The following DLGAP1 variants were observed in gnomAD, a reference collection of about 807,000 sequenced individuals.
The protein encoded by DLGAP1 is disks large-associated protein 1.
DLGAP1 carries 11 observed loss-of-function variants against 90.8 expected under a neutral mutation model. The ratio of observed to expected loss-of-function variants is 0.12; its 90% CI spans 0.08 to 0.20. DLGAP1 has a LOEUF of 0.20. DLGAP1 is among the 10% of genes least tolerant of loss of function. DLGAP1 has a pLI of 1.00. For missense variants in DLGAP1, 1,050 were observed against 1,333.8 expected (o/e 0.79, Z 3.31); for synonymous variants, 558 against 540.7 (o/e 1.03, Z -0.44).
intron 1 of DLGAP1, among the ~76,000 whole-genome samples, chr18:4,251,876 A>G (rs909134636): frequency 1.3e-5 from 2 of 152,238 alleles, no homozygotes; most frequent in Admixed American, 1.3e-4. Flanking sequence ...TTCATCATTT[A>G]TATGGCTCTC....
intron 1 of DLGAP1, among the ~76,000 whole-genome samples, chr18:4,153,657 A>C (rs1295144763): frequency 6.6e-6 from 1 of 152,194 alleles, no homozygotes; most frequent in Non-Finnish European, 1.5e-5. Flanking sequence ...CTCATTAGCA[A>C]CAATTTACAC....
At chr18:4,103,416 G>T (rs1205022693) in intron 2 of DLGAP1, among the ~76,000 whole-genome samples, 1 of 151,892 alleles carries the variant, frequency 6.6e-6, no homozygotes, top group African/African-American at 2.4e-5. Context: ...GATGATATTG[G>T]TTACTATGGT....
At chr18:3,866,024 C>T (rs1280583925) in intron 4 of DLGAP1, among the ~76,000 whole-genome samples, 3 of 152,048 alleles carry the variant, frequency 2.0e-5, no homozygotes, top group African/African-American at 7.2e-5. Context: ...CCTGTGTGTT[C>T]CTAAAAAAGT....
chr18:4,300,007 A>G (rs547225602), intron 1 of DLGAP1, among the ~76,000 whole-genome samples: 2 of 151,660 alleles, frequency 1.3e-5, no homozygotes, highest in East Asian at 3.9e-4. Context: ...TCCAAAAAAA[A>G]GCAATCTCAT....
At position 3,534,344 on chromosome 18, in the gene DLGAP1, T is replaced by C. The variant is rs748806740; in HGVS notation, c.2329A>G (p.Thr777Ala). Residue 777 changes from threonine (T) to alanine (A), a missense_variant, in exon 10 of 13, where the codon ACT (threonine) becomes GCT (alanine). Around this residue, in one of 2 missense-constraint regions of DLGAP1, gnomAD observed 565 missense variants for 879.7 expected, o/e 0.64. Coordinates refer to ENST00000315677, the MANE Select transcript of DLGAP1 (RefSeq NM_004746.4). ...TGCACGGCCTCCAGAGGGTCTTCAG[T>C]GATAGAGTCAATCCAGGGGTCCGGA... ...PPPDPWIDSI[T>A]EDPLEAVQRS... 1.9e-6 allele frequency: 3 copies of C among 1,614,088 alleles called. No homozygotes were observed. Among genetic ancestry groups the C allele is most frequent in the Non-Finnish European group, 2.5e-6 (3 of 1,180,008 alleles).
chr18:3,585,675 G>A (rs1248492374), intron 7 of DLGAP1, among the ~76,000 whole-genome samples: 1 of 152,152 alleles, frequency 6.6e-6, no homozygotes, highest in African/African-American at 2.4e-5. Flanking sequence ...CAGGCACAGT[G>A]GTTCACACCT....
At chr18:3,697,215 T>C (rs1015459253) in intron 7 of DLGAP1, among the ~76,000 whole-genome samples, 10 of 151,902 alleles carry the variant, frequency 6.6e-5, no homozygotes, top group Non-Finnish European at 2.9e-5. Flanking sequence ...TCTGATCTAT[T>C]TCTTGTCTTC....
At chr18:4,370,500 T>A (rs773478264) in intron 1 of DLGAP1, among the ~76,000 whole-genome samples, 1 of 152,292 alleles carries the variant, frequency 6.6e-6, no homozygotes, top group South Asian at 2.1e-4. Flanking sequence ...TCTCATCGAC[T>A]TTTCCCCTAG....
rs1009529192 is a variant in DLGAP1, at chr18:4,454,873, G to A, written c.-267+133C>T. On this transcript the variant is annotated intron_variant, in intron 1 of 12. Coordinates refer to ENST00000315677, the MANE Select transcript of DLGAP1 (RefSeq NM_004746.4). The surrounding 1 kb of genome is among the most constrained non-coding windows in gnomAD (Gnocchi z 4.7). ...CGGACTCTCGAGCCAGCGGCCGGGG[G>A]AGCCCAGCCCGCAGCCCCTCCGCGG... The A allele has an allele frequency of 2.0e-5, 3 of 151,390 alleles. No individual in the cohort carries two copies. Among genetic ancestry groups the A allele is most frequent in the East Asian group, 2.0e-4 (1 of 5,074 alleles). The allele number at this position is 151,390 out of a possible 1,614,324, so 9.4% of individuals were successfully genotyped here. A position where few individuals can be genotyped will look rare whatever the true frequency, so the allele number is the denominator to read the frequency against.
chr18:3,583,117 CT>C (rs1180770293), intron 7 of DLGAP1, among the ~76,000 whole-genome samples: 4 of 151,432 alleles, frequency 2.6e-5, no homozygotes. Flanking sequence ...CACTTCCCAC[CT>C]TTCTGTCTTT....
intron 3 of DLGAP1, among the ~76,000 whole-genome samples, chr18:3,960,067 C>T (rs2073167198): frequency 6.6e-6 from 1 of 152,200 alleles, no homozygotes; most frequent in African/African-American, 2.4e-5. Context: ...TCTCCAGTAT[C>T]TTTAACTTTC....
At position 4,098,117 on chromosome 18, in the gene DLGAP1, T is replaced by G. The variant is rs555658581; in HGVS notation, c.-159+53063A>C. Among the ~76,000 whole-genome samples, 245 of 152,302 alleles carry G rather than the reference T, an allele frequency of 1.6e-3. 1 individual carries two copies. The highest frequency in any genetic ancestry group is 2.0e-3 in the Admixed American group (31 of 15,302). ...TTTGTAGAGACGGGATTTTGCCATG[T>G]TGCCTAGGCTGGTCTCCACCTCTTG... is the stretch of plus-strand genomic sequence containing the variant. On this transcript the variant is annotated intron_variant, in intron 2 of 12. Transcript: ENST00000315677.
At chr18:3,847,068 A>G (rs2069058217) in intron 4 of DLGAP1, among the ~76,000 whole-genome samples, 1 of 152,198 alleles carries the variant, frequency 6.6e-6, no homozygotes. Context: ...GATGTATTCA[A>G]TTTGTTAAAG....
chr18:3,505,567 G>A (rs1014766411), intron 11 of DLGAP1, among the ~76,000 whole-genome samples: 4 of 150,286 alleles, frequency 2.7e-5, no homozygotes, highest in Non-Finnish European at 5.9e-5. Flanking sequence ...GAACCCGTGA[G>A]GCAGAGATTG....
At chr18:3,754,757 G>A (rs1305896488) in intron 5 of DLGAP1, among the ~76,000 whole-genome samples, 3 of 150,566 alleles carry the variant, frequency 2.0e-5, no homozygotes, top group Admixed American at 1.3e-4. Flanking sequence ...TTAGCTGGGC[G>A]TGGCAGTGTG....
intron 4 of DLGAP1, among the ~76,000 whole-genome samples, chr18:3,873,521 A>G (rs546183924): frequency 1.2e-4 from 19 of 152,342 alleles, no homozygotes; most frequent in African/African-American, 4.3e-4. Flanking sequence ...AGAACTGTTC[A>G]GCACTTTCAT....
At chr18:4,316,915 A>T (rs908250366) in intron 1 of DLGAP1, among the ~76,000 whole-genome samples, 12 of 152,080 alleles carry the variant, frequency 7.9e-5, no homozygotes, top group Admixed American at 4.6e-4. Flanking sequence ...GTTGCCCCCG[A>T]CCTTGCAGGA....
At chr18:4,222,090 TCTATA>T (rs1236885211) in intron 1 of DLGAP1, among the ~76,000 whole-genome samples, 1 of 152,146 alleles carries the variant, frequency 6.6e-6, no homozygotes, top group Non-Finnish European at 1.5e-5. Context: ...CTCTTTTCAT[TCTATA>T]TTCTCTTCTT....
intron 1 of DLGAP1, among the ~76,000 whole-genome samples, chr18:4,302,367 T>C (rs2080145515): frequency 6.6e-6 from 1 of 152,212 alleles, no homozygotes; most frequent in Non-Finnish European, 1.5e-5. Context: ...CATGTGGATA[T>C]ACAGTTTTCC....
Sources: gnomAD v4.1 joint callset for allele counts (sites outside exome capture counted in the v4.1 genomes callset) on GRCh38, gnomAD v4.1.1 for gene constraint, gnomAD v4.1.1 regional missense constraint, Gnocchi (gnomAD v3.1) non-coding constraint, MANE v1.5 for transcripts, NCBI Gene and HGNC (gene_info 2026-07-23, HGNC 2026-07-21) for gene names.